PDS5A: variants seen among roughly 807,000 people sequenced by gnomAD.
The protein encoded by PDS5A is PDS5 cohesin associated factor A, also known as sister chromatid cohesion protein PDS5 homolog A.
Under a neutral mutation model 167.1 loss-of-function variants are expected in PDS5A, and 42 were observed. The observed-to-expected ratio is 0.25, with a 90% CI of 0.20 to 0.33. The LOEUF (loss-of-function observed/expected upper bound fraction) is 0.33. PDS5A is among the 10% of genes least tolerant of loss of function. The probability of loss-of-function intolerance (pLI) is 1.00; values close to 1 mark genes in which losing one functional copy is unlikely to be tolerated. For synonymous variants in PDS5A, 553 were observed against 554.6 expected (o/e 1.00, Z 0.04); for missense variants, 1,033 against 1,605.9 (o/e 0.64, Z 6.10).
At chr4:39,913,478 G>T in intron 9 of PDS5A, 133 bp downstream of exon 9, 1 of 576,022 alleles carries the variant, frequency 1.7e-6, no homozygotes, top group East Asian at 2.8e-5. Context: ...TCCATAAGAA[G>T]GATGGAAACA....
intron 32 of PDS5A, among the ~76,000 whole-genome samples, chr4:39,830,451 G>A (rs1459788740): frequency 6.6e-6 from 1 of 152,146 alleles, no homozygotes; most frequent in Non-Finnish European, 1.5e-5. Flanking sequence ...TTGAGACAGA[G>A]TATCACTCTG....
chr4:39,945,099 T>C (rs1424273484), intron 2 of PDS5A, among the ~76,000 whole-genome samples: 2 of 152,122 alleles, frequency 1.3e-5, no homozygotes, highest in Admixed American at 1.3e-4. Flanking sequence ...ATGAGAAGCA[T>C]TATTATTAAT....
chr4:39,918,182 C>CAAAA (rs11447119), intron 7 of PDS5A, among the ~76,000 whole-genome samples: 4,335 of 88,366 alleles, frequency 0.049, 168 homozygotes, highest in Middle Eastern at 0.075. Flanking sequence ...GACCCTGTCT[C>CAAAA]AAAAAAAAAA....
chr4:39,923,638 AACACACACACACACAC>A (rs10664167), intron 5 of PDS5A, among the ~76,000 whole-genome samples: 1 of 125,212 alleles, frequency 8.0e-6, no homozygotes, highest in African/African-American at 2.8e-5. Flanking sequence ...CCTGTCTCAA[AACACACACACACACAC>A]ACACACACAC....
At chr4:39,908,706 C>T (rs887041567) in intron 10 of PDS5A, 166 bp from the exon 11 acceptor site, 2 of 589,932 alleles carry the variant, frequency 3.4e-6, no homozygotes, top group Non-Finnish European at 6.0e-6. Context: ...CAGTACTCTA[C>T]TGTAATCACA....
At chr4:39,937,202 G>T (rs2109758359) in intron 2 of PDS5A, among the ~76,000 whole-genome samples, 1 of 152,160 alleles carries the variant, frequency 6.6e-6, no homozygotes, top group East Asian at 1.9e-4. Context: ...TAAGTGACCA[G>T]CCCCATCCTG....
At chr4:39,956,799 A>G (rs1232100843) in intron 2 of PDS5A, among the ~76,000 whole-genome samples, 4 of 151,894 alleles carry the variant, frequency 2.6e-5, no homozygotes, top group Non-Finnish European at 4.4e-5. Context: ...CAGCCTCCAG[A>G]GTGGGCAGGA....
chr4:39,890,642 G>A (rs777608160), intron 16 of PDS5A, among the ~76,000 whole-genome samples: 3 of 151,394 alleles, frequency 2.0e-5, no homozygotes, highest in Non-Finnish European at 2.9e-5. Context: ...TTTTTGAGAC[G>A]AGTCTAACTC....
chr4:39,976,176 C>G (rs747446843), intron 2 of PDS5A: 3 of 261,186 alleles, frequency 1.1e-5, no homozygotes, highest in Non-Finnish European at 2.2e-5. Context: ...CATTAAATAC[C>G]TCCAGAAAAA....
chr4:39,836,124 A>G (rs1716361833), intron 32 of PDS5A, among the ~76,000 whole-genome samples: 1 of 152,208 alleles, frequency 6.6e-6, no homozygotes, highest in South Asian at 2.1e-4. Context: ...CTTTATATTT[A>G]CTGATCCATT....
chr4:39,944,047 GGGCACCTGTAGTCCCAGCTACTCAGGA>G (rs1727500533), intron 2 of PDS5A, among the ~76,000 whole-genome samples: 1 of 151,008 alleles, frequency 6.6e-6, no homozygotes, highest in Non-Finnish European at 1.5e-5. Context: ...GCGTGGTGGC[GGGCACCTGTAGTCCCAGCTACTCAGGA>G]GGCTGAGGCA....
At chr4:39,843,123 C>T (rs1246087635) in intron 30 of PDS5A, among the ~76,000 whole-genome samples, 1 of 151,442 alleles carries the variant, frequency 6.6e-6, no homozygotes, top group Non-Finnish European at 1.5e-5. Context: ...GATTATCCTT[C>T]CTCGGCCTCC....
chr4:39,876,060 C>T (rs181962051), intron 19 of PDS5A, among the ~76,000 whole-genome samples: 4 of 152,012 alleles, frequency 2.6e-5, no homozygotes, highest in Admixed American at 1.3e-4. Context: ...TCCTCACATC[C>T]AAAGTTAACT....
At chr4:39,937,032 C>CAGATATGT (rs2109758037) in intron 2 of PDS5A, among the ~76,000 whole-genome samples, 1 of 152,250 alleles carries the variant, frequency 6.6e-6, no homozygotes, top group East Asian at 1.9e-4. Context: ...ATGTAATCCT[C>CAGATATGT]CCAGCATATC....
chr4:39,974,193 G>T lies in PDS5A; in HGVS notation c.138+2247C>A, dbSNP rs1007751524. 4.3e-5 allele frequency: 25 copies of T among 574,750 alleles called. No individual in the cohort carries two copies. In the African/African-American group the frequency reaches 4.5e-4, roughly 10 times the overall value. The allele number at this position is 574,750 out of a possible 1,614,324, so 35.6% of individuals were successfully genotyped here. A position where few individuals can be genotyped will look rare whatever the true frequency, so the allele number is the denominator to read the frequency against. On this transcript the variant is annotated intron_variant, in intron 2 of 32. Transcript: ENST00000303538. ...GCTCTACTGAGACCAAGTCCTCGCT[G>T]GACTGCTCAGGGTGCCAGACCTCAT...
chr4:39,875,155 AAC>A (rs1720357174), intron 19 of PDS5A, among the ~76,000 whole-genome samples: 1 of 152,172 alleles, frequency 6.6e-6, no homozygotes, highest in Admixed American at 6.5e-5. Context: ...AGTAAACTAA[AAC>A]AGTCTTCTTT....
At chr4:39,924,744 C>G (rs921896391) in intron 5 of PDS5A, among the ~76,000 whole-genome samples, 3 of 152,164 alleles carry the variant, frequency 2.0e-5, no homozygotes, top group African/African-American at 7.2e-5. Flanking sequence ...TACTAGAAAA[C>G]TTATGTGAGG....
intron 16 of PDS5A, among the ~76,000 whole-genome samples, chr4:39,891,433 G>T (rs1201137734): frequency 6.6e-6 from 1 of 151,398 alleles, no homozygotes; most frequent in Admixed American, 6.6e-5. Flanking sequence ...CGGATCACCT[G>T]AGGTCAGGAG....
At chr4:39,967,902 G>A (rs151196864) in intron 2 of PDS5A, among the ~76,000 whole-genome samples, 7 of 152,050 alleles carry the variant, frequency 4.6e-5, no homozygotes, top group African/African-American at 1.4e-4. Flanking sequence ...GCAACAGACC[G>A]AGAGACTCCA....
Sources: gnomAD v4.1 joint callset for allele counts (sites outside exome capture counted in the v4.1 genomes callset) on GRCh38, gnomAD v4.1.1 for gene constraint, MANE v1.5 for transcripts, NCBI Gene and HGNC (gene_info 2026-07-23, HGNC 2026-07-21) for gene names.